The following APOL5 variants were observed in gnomAD, a reference collection of about 807,000 sequenced individuals.
APOL5 encodes the protein apolipoprotein L, 5.
A neutral mutation model predicts 35.5 loss-of-function variants in APOL5; 29 were observed. The observed-to-expected ratio is 0.82, with a 90% CI of 0.61 to 1.11. APOL5 has a LOEUF of 1.11. Among genes scored for constraint, APOL5 ranks in the 50% most tolerant of loss-of-function variants. The probability of loss-of-function intolerance (pLI) is 0.00; values close to 1 mark genes in which losing one functional copy is unlikely to be tolerated. For synonymous variants in APOL5, 188 were observed against 200.2 expected, an observed-to-expected ratio of 0.94 and a Z score of 0.51; for missense variants, 514 against 530.4, an observed-to-expected ratio of 0.97 and a Z score of 0.30.
rs1199920319 is a variant in APOL5 at position 35,720,589 on chromosome 22, A to T, written c.77A>T (p.Glu26Val). 6.2e-7 allele frequency: 1 copy of T among 1,614,150 alleles called. No homozygotes were observed. The highest frequency in any genetic ancestry group is 8.5e-7 in the Non-Finnish European group (1 of 1,180,018). ...CCAGGCTTGGGAGAAGGTTGTAAAG[A>T]AATGTGGCTTCGAAAGGTAATCTAC... Reference protein sequence around the residue: ...VLPGLGEGCKEMWLRKVIYGG... With the variant: ...VLPGLGEGCKVMWLRKVIYGG... The change falls in exon 2 of 5, where the codon GAA (glutamate) becomes GTA (valine). Residue 26 changes from glutamate (E) to valine (V), a missense_variant. Glu to Val is a moderately radical substitution (Grantham distance 121, BLOSUM62 -2). This residue lies in a region of APOL5 where 254 missense variants were observed against 254.7 expected (regional missense o/e 1.00). Transcript: ENST00000249044.
chr22:35,721,700 C>T (rs942162053), intron 2 of APOL5, among the ~76,000 whole-genome samples: 3 of 152,130 alleles, frequency 2.0e-5, no homozygotes, highest in African/African-American at 7.2e-5. Context: ...CACCCTTTCC[C>T]AACCCATGAT....
rs752892549 is a variant in APOL5 at position 35,727,055 on chromosome 22, G to A, written c.987G>A (p.Leu329=). The A allele has an allele frequency of 2.5e-6, 4 of 1,613,868 alleles. No individual in the cohort carries two copies. The highest frequency in any genetic ancestry group is 2.7e-5 in the African/African-American group (2 of 75,068). Residue 329 remains leucine (L), a synonymous_variant, in exon 3 of 5, where the codon CTG becomes CTA. Transcript: ENST00000249044. ...CAAGGACGGAGACAGCAGAGGAACT[G>A]AGAGCACTTGCTAAGAAGCTGGAGC... The part of the protein sequence containing the change: ...DGARTETAEE[L]RALAKKLEQE...
chr22:35,726,853 T>C lies in APOL5; in HGVS notation c.785T>C (p.Phe262Ser). ...GGCTTCATGGCTATGGTCAAGAATT[T>C]TGTGGCCAAGAGACACATCCCTTTC... ...NSGFMAMVKNFVAKRHIPFWT... is the reference protein window; with the variant it reads ...NSGFMAMVKNSVAKRHIPFWT... Residue 262 changes from phenylalanine (F) to serine (S), a missense_variant, in exon 3 of 5, where the codon TTT becomes TCT. By Grantham distance (155) the Phe-to-Ser change is radical (BLOSUM62 -2). This residue lies in a region of APOL5 where 238 missense variants were observed against 229.1 expected (regional missense o/e 1.04). Coordinates refer to ENST00000249044, the MANE Select transcript of APOL5 (RefSeq NM_030642.1). 6.2e-7 allele frequency: 1 copy of C among 1,614,196 alleles called. No homozygotes were observed. Among genetic ancestry groups the C allele is most frequent in the Non-Finnish European group, 8.5e-7 (1 of 1,180,034 alleles).
intron 1 of APOL5, among the ~76,000 whole-genome samples, chr22:35,719,696 G>C (rs1380543295): frequency 6.6e-6 from 1 of 151,832 alleles, no homozygotes; most frequent in Non-Finnish European, 1.5e-5. Context: ...GGCAGGTCTT[G>C]GGGAGCGTGG....
In APOL5 at chr22:35,726,551, G is replaced by T. The variant is rs773932855; in HGVS notation, c.483G>T (p.Val161=). The change falls in exon 3 of 5, where the codon GTG becomes GTT. Residue 161 remains valine (V), a synonymous_variant. Transcript: ENST00000249044. ...TCCTGGGTTTGGCCCTAGCACCTGT[G>T]ACAGCAGGAGGCAGTCTCATGCTCT... ...MNILGLALAP[V]TAGGSLMLSA... 6.2e-7 allele frequency: 1 copy of T among 1,614,156 alleles called. No individual in the cohort carries two copies. Among genetic ancestry groups the T allele is most frequent in the South Asian group, 1.1e-5 (1 of 91,082 alleles).
At chr22:35,709,733 T>C in the APOL5 span, among the ~76,000 whole-genome samples, 2 of 152,254 alleles carry the variant, frequency 1.3e-5, no homozygotes, top group African/African-American at 2.4e-5. Flanking sequence ...TTTGCTAAAC[T>C]TTTTTCAGCA....
At chr22:35,725,342 T>C (rs1487813028) in intron 2 of APOL5, among the ~76,000 whole-genome samples, 1 of 152,168 alleles carries the variant, frequency 6.6e-6, no homozygotes, top group Admixed American at 6.5e-5. Context: ...TTCGGCTCAC[T>C]GCAACCTCCA....
upstream of APOL5, among the ~76,000 whole-genome samples, chr22:35,712,989 C>T (rs76399178): frequency 9.0e-3 from 1,375 of 152,302 alleles, 15 homozygotes; most frequent in African/African-American, 0.032. Context: ...ACCTGTACAC[C>T]TTAGTGGATT....
At chr22:35,724,032 C>T (rs371807553) in intron 2 of APOL5, among the ~76,000 whole-genome samples, 6 of 152,104 alleles carry the variant, frequency 3.9e-5, no homozygotes, top group African/African-American at 1.4e-4. Flanking sequence ...AGCCCTCTCC[C>T]GTGGAAGGGG....
chr22:35,723,805 C>T (rs1033430032), intron 2 of APOL5, among the ~76,000 whole-genome samples: 4 of 152,108 alleles, frequency 2.6e-5, no homozygotes, highest in Admixed American at 1.3e-4. Context: ...CTACTAAAAA[C>T]ACAAAAATTA....
intron 1 of APOL5, among the ~76,000 whole-genome samples, chr22:35,718,338 T>C (rs978326157): frequency 6.6e-6 from 1 of 152,036 alleles, no homozygotes; most frequent in Non-Finnish European, 1.5e-5. Context: ...CAAAGCACGG[T>C]TGGGCGCAGT....
chr22:35,714,512 C>A (rs899744848), upstream of APOL5, among the ~76,000 whole-genome samples: 2 of 152,148 alleles, frequency 1.3e-5, no homozygotes, highest in Non-Finnish European at 2.9e-5. Flanking sequence ...GGGACAATGG[C>A]AAACAGTAGT....
At chr22:35,710,113 CTTTTTTTTTTTTTTT>C in the APOL5 span, among the ~76,000 whole-genome samples, 2 of 86,710 alleles carry the variant, frequency 2.3e-5, no homozygotes, top group East Asian at 3.0e-4. Context: ...CTTTCTTTCT[CTTTTTTTTTTTTTTT>C]TTTTTTTTTT....
At chr22:35,717,394 A>G (rs1277359292), upstream of APOL5, among the ~76,000 whole-genome samples, 1 of 102,912 alleles carries the variant, frequency 9.7e-6, no homozygotes, top group Non-Finnish European at 2.0e-5. Flanking sequence ...AAATGAGACC[A>G]TCTCCAAATG....
chr22:35,727,132 G>T lies in APOL5; in HGVS notation c.1064G>T (p.Ser355Ile). The T allele has an allele frequency of 6.2e-7, 1 of 1,610,162 alleles. No homozygotes were observed. The change falls in exon 3 of 5, where the codon AGC becomes ATC. Residue 355 changes from serine (S) to isoleucine (I), a missense_variant. By Grantham distance (142) the Ser-to-Ile change is moderately radical. Around this residue, in one of 3 missense-constraint regions of APOL5, gnomAD observed 238 missense variants for 229.1 expected, o/e 1.04. Coordinates refer to ENST00000249044, the MANE Select transcript of APOL5 (RefSeq NM_030642.1). ...QHHRHLPQKA[S>I]QTCSSSRGRA... ...CACCGGCACCTGCCGCAGAAGGCGA[G>T]CCAGACCTGTTCCAGCTCCCGGGGC...
At chr22:35,725,770 G>A (rs1927130183) in intron 2 of APOL5, among the ~76,000 whole-genome samples, 1 of 152,138 alleles carries the variant, frequency 6.6e-6, no homozygotes, top group Non-Finnish European at 1.5e-5. Flanking sequence ...AAAATATCTC[G>A]AGCACTCATG....
chr22:35,727,058 A>G lies in APOL5; in HGVS notation c.990A>G (p.Arg330=), dbSNP rs765088894. The part of the protein sequence containing the change: ...GARTETAEEL[R]ALAKKLEQEL... ...GGACGGAGACAGCAGAGGAACTGAG[A>G]GCACTTGCTAAGAAGCTGGAGCAGG... The change falls in exon 3 of 5, where the codon AGA becomes AGG. Residue 330 remains arginine, a synonymous_variant. Coordinates refer to ENST00000249044, the MANE Select transcript of APOL5 (RefSeq NM_030642.1). 3.7e-6 allele frequency: 6 copies of G among 1,613,700 alleles called. No individual in the cohort carries two copies. Among genetic ancestry groups the G allele is most frequent in the Admixed American group, 3.3e-5 (2 of 60,012 alleles).
chr22:35,709,947 GC>G, the APOL5 span, among the ~76,000 whole-genome samples: 2 of 151,654 alleles, frequency 1.3e-5, no homozygotes, highest in Non-Finnish European at 2.9e-5. Context: ...TCTGTTTTAT[GC>G]TCTTGCATTG....
chr22:35,728,614 C>T, intron 3 of APOL5, 109 bp from the exon 4 acceptor site: 1 of 1,321,830 alleles, frequency 7.6e-7, no homozygotes, highest in Non-Finnish European at 1.0e-6. Flanking sequence ...TTTTCTTCTT[C>T]TCAAAGCCAA....
Sources: allele counts gnomAD v4.1 joint callset (sites outside exome capture counted in the v4.1 genomes callset), GRCh38; gene constraint gnomAD v4.1.1; regional missense constraint gnomAD v4.1.1; transcripts MANE v1.5; gene names NCBI Gene and HGNC (gene_info 2026-07-23, HGNC 2026-07-21).